The following HYDIN variants were observed in gnomAD, a reference collection of about 807,000 sequenced individuals.
HYDIN encodes HYDIN axonemal central pair apparatus protein.
Under a neutral mutation model 403.9 loss-of-function variants are expected in HYDIN, and 132 were observed. That is an observed-to-expected ratio of 0.33 (90% CI 0.28 to 0.38). HYDIN has a LOEUF of 0.38. Ranked by LOEUF, HYDIN falls within the 10% of genes least tolerant of loss-of-function variation. The probability of loss-of-function intolerance (pLI) is 1.00; values close to 1 mark genes in which losing one functional copy is unlikely to be tolerated. For missense variants in HYDIN, 2,827 were observed against 5,009.5 expected, an observed-to-expected ratio of 0.56 and a Z score of 13.15; for synonymous variants, 1,202 against 1,891.7, an observed-to-expected ratio of 0.64 and a Z score of 9.46.
intron 73 of HYDIN, chr16:70,852,693 C>T (rs1047305805): frequency 1.3e-5 from 2 of 152,002 alleles, no homozygotes; most frequent in Admixed American, 1.3e-4. Context: ...AAAACAAGCA[C>T]ATATGTGTTG....
At chr16:71,143,684 G>C (rs2085256023) in intron 7 of HYDIN, among the ~76,000 whole-genome samples, 1 of 152,294 alleles carries the variant, frequency 6.6e-6, no homozygotes, top group East Asian at 1.9e-4. Context: ...GTTGATGCGG[G>C]TAAGTCTGCA....
In HYDIN at chr16:71,027,641, T is replaced by C. The variant is rs1170597378; in HGVS notation, c.3003A>G (p.Ala1001=). 19 of 1,613,438 alleles carry C rather than the reference T, an allele frequency of 1.2e-5. No homozygotes were observed. In the South Asian group the frequency reaches 2.0e-4, roughly 17 times the overall value. ...AATAGCCTTCGAGTATCACATCAAT[T>C]GCCTGGCCTGGGTACAGCTCCATGC... ...PASMELYPGQ[A]IDVILEGYSA... is the part of the protein sequence containing the mutation. Residue 1001 remains alanine, a synonymous_variant, in exon 20 of 86, where the codon GCA becomes GCG. Coordinates refer to ENST00000393567, the MANE Select transcript of HYDIN (RefSeq NM_001270974.2).
At chr16:70,888,018 G>A (rs1199995294) in intron 58 of HYDIN, among the ~76,000 whole-genome samples, 1 of 152,118 alleles carries the variant, frequency 6.6e-6, no homozygotes. Flanking sequence ...TTCCCTCTGT[G>A]TTGTTGAGCC....
intron 10 of HYDIN, among the ~76,000 whole-genome samples, chr16:71,102,206 C>T (rs1244721688): frequency 5.3e-5 from 8 of 151,866 alleles, no homozygotes; most frequent in Admixed American, 5.3e-4. Context: ...TACCTCTCTG[C>T]AGGAAACAGA....
intron 1 of HYDIN, among the ~76,000 whole-genome samples, chr16:71,215,289 G>A (rs2088822499): frequency 6.6e-6 from 1 of 151,902 alleles, no homozygotes; most frequent in South Asian, 2.1e-4. Flanking sequence ...GAAGGAGGGA[G>A]GGAAAGAGGA....
intron 1 of HYDIN, among the ~76,000 whole-genome samples, chr16:71,196,480 T>C (rs1370242694): frequency 6.6e-6 from 1 of 152,202 alleles, no homozygotes; most frequent in Non-Finnish European, 1.5e-5. Context: ...AACTGGAATC[T>C]ACACCATTGG....
At chr16:71,026,706 G>A (rs896206701) in intron 20 of HYDIN, among the ~76,000 whole-genome samples, 1 of 152,186 alleles carries the variant, frequency 6.6e-6, no homozygotes, top group African/African-American at 2.4e-5. Flanking sequence ...TTGAACTGAG[G>A]ATGCGTTTTA....
chr16:70,910,066 T>G (rs1431946483), intron 47 of HYDIN, among the ~76,000 whole-genome samples: 1 of 152,124 alleles, frequency 6.6e-6, no homozygotes, highest in Admixed American at 6.5e-5. Context: ...TGTTTTGTTA[T>G]GTTTCTTTTT....
chr16:71,149,493 G>T (rs1458544998), intron 7 of HYDIN, among the ~76,000 whole-genome samples: 1 of 151,616 alleles, frequency 6.6e-6, no homozygotes, highest in Non-Finnish European at 1.5e-5. Context: ...ACACACACAC[G>T]ATGTGTACAA....
At chr16:71,129,540 G>C (rs2084618717) in intron 9 of HYDIN, 100 bp downstream of exon 9, 3 of 1,189,978 alleles carry the variant, frequency 2.5e-6, no homozygotes. Context: ...TCACTCTCTT[G>C]CAACTCACCG....
intron 18 of HYDIN, among the ~76,000 whole-genome samples, chr16:71,052,352 TGAA>T (rs1042220717): frequency 5.9e-5 from 9 of 151,512 alleles, no homozygotes; most frequent in African/African-American, 2.2e-4. Context: ...ATATTAAGTC[TGAA>T]GTATAACAGA....
At chr16:71,119,734 T>C (rs201767433) in intron 9 of HYDIN, among the ~76,000 whole-genome samples, 1 of 150,704 alleles carries the variant, frequency 6.6e-6, no homozygotes, top group East Asian at 2.0e-4. Flanking sequence ...ACTTTTCAGT[T>C]GGGATTTAAG....
At chr16:70,929,945 G>C (rs1004424819) in intron 45 of HYDIN, among the ~76,000 whole-genome samples, 1 of 152,212 alleles carries the variant, frequency 6.6e-6, no homozygotes, top group Non-Finnish European at 1.5e-5. Context: ...GTTCTCATGC[G>C]TGGGAATGAA....
intron 50 of HYDIN, among the ~76,000 whole-genome samples, chr16:70,905,540 G>A (rs568113768): frequency 1.6e-4 from 23 of 147,818 alleles, no homozygotes; most frequent in African/African-American, 5.0e-4. Flanking sequence ...GGCAGAGGTG[G>A]GAGGATTGCT....
intron 45 of HYDIN, among the ~76,000 whole-genome samples, chr16:70,932,567 A>C (rs889447530): frequency 2.0e-5 from 3 of 151,406 alleles, no homozygotes; most frequent in African/African-American, 7.3e-5. Flanking sequence ...CTAAGAAGAC[A>C]GGGAAGGGGC....
intron 4 of HYDIN, 57 bp from the exon 5 acceptor site, chr16:71,175,798 C>A (rs1418057133): frequency 1.9e-6 from 3 of 1,578,494 alleles, no homozygotes; most frequent in East Asian, 4.5e-5. Context: ...GAGTTAAACA[C>A]AGACTGAAAT....
chr16:70,981,916 C>A (rs2079056490), intron 28 of HYDIN, among the ~76,000 whole-genome samples: 1 of 151,904 alleles, frequency 6.6e-6, no homozygotes, highest in Non-Finnish European at 1.5e-5. Flanking sequence ...ATCACGAGGT[C>A]AGGAGATCGA....
At chr16:71,185,151 TAAGAG>T (rs915211658) in intron 2 of HYDIN, among the ~76,000 whole-genome samples, 161 bp from the exon 3 acceptor site, 8 of 152,182 alleles carry the variant, frequency 5.3e-5, no homozygotes, top group African/African-American at 1.9e-4. Context: ...GTAAATTATA[TAAGAG>T]AAGTACCCAC....
At position 71,067,385 on chromosome 16, in the gene HYDIN, T is replaced by C. The variant is rs527828655; in HGVS notation, c.1980A>G (p.Thr660=). 1.9e-6 allele frequency: 3 copies of C among 1,605,852 alleles called. No homozygotes were observed. The highest frequency in any genetic ancestry group is 1.7e-5 in the Admixed American group (1 of 57,800). The change falls in exon 15 of 86, where the codon ACA becomes ACG. Residue 660 remains threonine, a synonymous_variant. Transcript: ENST00000393567. ...RPQGFAAIRV[T]LCSNTVQKYE... is the part of the protein sequence containing the mutation. ...ATTTCTGCACAGTGTTGGAGCATAA[T>C]GTCACCTGGAAAGAAAAAGGTGACA...
Sources: gnomAD v4.1 joint callset for allele counts (sites outside exome capture counted in the v4.1 genomes callset) on GRCh38, gnomAD v4.1.1 for gene constraint, MANE v1.5 for transcripts, NCBI Gene and HGNC (gene_info 2026-07-23, HGNC 2026-07-21) for gene names.